The following MYRIP variants were observed in gnomAD, a reference collection of about 807,000 sequenced individuals.
MYRIP encodes the protein myosin VIIA and Rab interacting protein.
Under a neutral mutation model 98.0 loss-of-function variants are expected in MYRIP, and 49 were observed. That is an observed-to-expected ratio of 0.50 (90% CI 0.40 to 0.63). The LOEUF (loss-of-function observed/expected upper bound fraction) is 0.63, where lower values mean the gene tolerates loss of function less well. Among genes scored for constraint, MYRIP ranks in the 30% least tolerant of loss-of-function variants. The pLI is 0.00. For synonymous variants in MYRIP, 404 were observed against 409.5 expected (o/e 0.99, Z 0.16); for missense variants, 1,004 against 1,058.2 (o/e 0.95, Z 0.71).
chr3:39,979,392 A>G (rs2125756676), intron 2 of MYRIP, among the ~76,000 whole-genome samples: 1 of 152,190 alleles, frequency 6.6e-6, no homozygotes, highest in East Asian at 1.9e-4. Flanking sequence ...TAATCCCAGC[A>G]CTTTGGAAGG....
chr3:39,985,708 A>G (rs1666993844), intron 2 of MYRIP, among the ~76,000 whole-genome samples: 1 of 151,208 alleles, frequency 6.6e-6, no homozygotes, highest in South Asian at 2.1e-4. Context: ...GCAATGGGGA[A>G]AGGATTCCCT....
intron 15 of MYRIP, among the ~76,000 whole-genome samples, chr3:40,251,657 C>G (rs1292401887): frequency 6.6e-6 from 1 of 152,210 alleles, no homozygotes; most frequent in Non-Finnish European, 1.5e-5. Context: ...TGGGTTATCT[C>G]TGAGCTATCG....
chr3:40,076,712 G>C (rs778507748), intron 3 of MYRIP, among the ~76,000 whole-genome samples: 1 of 152,128 alleles, frequency 6.6e-6, no homozygotes, highest in Non-Finnish European at 1.5e-5. Context: ...TAGCTCAAAG[G>C]GGGACTGGCA....
Position 40,155,616 on chromosome 3 carries a change from A to G in MYRIP, c.469+4432A>G, listed in dbSNP as rs1426058699. ...AGTTTACAGTCCCACCAACAGTGTAAAAGTGTTCCTATTTCTCCACATCCT... is the reference window on the plus strand; with the variant it reads ...AGTTTACAGTCCCACCAACAGTGTAGAAGTGTTCCTATTTCTCCACATCCT... On this transcript the variant is annotated intron_variant, in intron 4 of 16. Transcript: ENST00000302541. 6.8e-4 allele frequency among the ~76,000 whole-genome samples: 103 copies of G among 150,522 alleles called. 1 individual carries two copies. The South Asian group carries it at 0.022, about 32-fold the overall frequency.
Position 39,979,967 on chromosome 3 carries a change from A to G in MYRIP, c.111-64083A>G, listed in dbSNP as rs72870080. Reference sequence around the variant, plus strand: ...TCCCTATGGTTGATACTGAAGAAGCAAAGGTGAGCACAGGAGCTCACATGC... The same window carrying G: ...TCCCTATGGTTGATACTGAAGAAGCGAAGGTGAGCACAGGAGCTCACATGC... On this transcript the variant is annotated intron_variant, in intron 2 of 16. Coordinates refer to ENST00000302541, the MANE Select transcript of MYRIP (RefSeq NM_015460.4). Among the ~76,000 whole-genome samples, 1,368 of 152,350 alleles carry G rather than the reference A, an allele frequency of 9.0e-3. 14 individuals are homozygous for G. Among genetic ancestry groups the G allele is most frequent in the African/African-American group, 0.032 (1,310 of 41,580 alleles).
At chr3:40,150,582 G>A (rs1950099907) in intron 3 of MYRIP, among the ~76,000 whole-genome samples, 1 of 152,196 alleles carries the variant, frequency 6.6e-6, no homozygotes, top group Non-Finnish European at 1.5e-5. Flanking sequence ...ACTATTAAAT[G>A]CCCTGAAACT....
intron 1 of MYRIP, among the ~76,000 whole-genome samples, chr3:39,879,995 G>T (rs1251886007): frequency 6.6e-6 from 1 of 152,056 alleles, no homozygotes; most frequent in African/African-American, 2.4e-5. Flanking sequence ...CATTGAAGAA[G>T]CCTTATAAAT....
At chr3:39,878,723 A>G (rs1402387353) in intron 1 of MYRIP, among the ~76,000 whole-genome samples, 1 of 152,056 alleles carries the variant, frequency 6.6e-6, no homozygotes, top group African/African-American at 2.4e-5. Flanking sequence ...TATTTTTTGT[A>G]GCAAATTGAC....
intron 3 of MYRIP, among the ~76,000 whole-genome samples, chr3:40,047,007 T>C (rs1172433875): frequency 1.3e-5 from 2 of 152,190 alleles, no homozygotes; most frequent in Non-Finnish European, 2.9e-5. Context: ...TTAGTTACAA[T>C]TAAATGACAC....
At chr3:39,918,025 C>T (rs1214191423) in intron 2 of MYRIP, among the ~76,000 whole-genome samples, 5 of 151,620 alleles carry the variant, frequency 3.3e-5, no homozygotes, top group African/African-American at 9.7e-5. Flanking sequence ...TTCCCAGGTT[C>T]ACGCCATTCT....
chr3:40,070,381 A>G (rs1948199701), intron 3 of MYRIP, among the ~76,000 whole-genome samples: 1 of 152,210 alleles, frequency 6.6e-6, no homozygotes, highest in Non-Finnish European at 1.5e-5. Context: ...CCAAGGAAGC[A>G]TGGCTTATAT....
chr3:40,127,104 C>T (rs1012874865), intron 3 of MYRIP, among the ~76,000 whole-genome samples: 2 of 152,148 alleles, frequency 1.3e-5, no homozygotes, highest in African/African-American at 4.8e-5. Flanking sequence ...AGAATAACAA[C>T]CCTTTTGTTT....
At chr3:40,008,773 G>C (rs1299883762) in intron 2 of MYRIP, among the ~76,000 whole-genome samples, 1 of 152,180 alleles carries the variant, frequency 6.6e-6, no homozygotes, top group African/African-American at 2.4e-5. Context: ...GCCCCCAAGA[G>C]TGATATTGCT....
At chr3:40,138,581 T>G (rs1395983538) in intron 3 of MYRIP, among the ~76,000 whole-genome samples, 3 of 152,228 alleles carry the variant, frequency 2.0e-5, no homozygotes. Flanking sequence ...ACCAGCTTTC[T>G]CTTTCTCTGA....
At chr3:40,169,242 T>C (rs2125596953) in intron 7 of MYRIP, among the ~76,000 whole-genome samples, 1 of 152,290 alleles carries the variant, frequency 6.6e-6, no homozygotes, top group East Asian at 1.9e-4. Flanking sequence ...CCATGGGAGA[T>C]GGCACCTCAG....
chr3:40,081,541 G>T (rs1948480556), intron 3 of MYRIP, among the ~76,000 whole-genome samples: 1 of 152,082 alleles, frequency 6.6e-6, no homozygotes, highest in African/African-American at 2.4e-5. Context: ...TGTTTAATCT[G>T]CTATATAGCC....
intron 8 of MYRIP, among the ~76,000 whole-genome samples, chr3:40,172,476 G>A (rs1385028208): frequency 6.6e-6 from 1 of 152,152 alleles, no homozygotes; most frequent in African/African-American, 2.4e-5. Context: ...GTGGTTGTGT[G>A]GCTAGAAAAT....
intron 1 of MYRIP, among the ~76,000 whole-genome samples, chr3:39,890,299 T>C (rs912862355): frequency 2.6e-5 from 4 of 152,110 alleles, no homozygotes; most frequent in African/African-American, 9.6e-5. Flanking sequence ...ATTTTTGCAA[T>C]GGTTATTATT....
chr3:40,124,980 G>T (rs1231930127), intron 3 of MYRIP, among the ~76,000 whole-genome samples: 1 of 152,162 alleles, frequency 6.6e-6, no homozygotes, highest in East Asian at 1.9e-4. Flanking sequence ...ATATCCTCAG[G>T]CAGGTTATGG....
Sources: gnomAD v4.1 joint callset for allele counts (sites outside exome capture counted in the v4.1 genomes callset) on GRCh38, gnomAD v4.1.1 for gene constraint, MANE v1.5 for transcripts, NCBI Gene and HGNC (gene_info 2026-07-23, HGNC 2026-07-21) for gene names.